The following ADK variants were observed in gnomAD, a reference collection of about 807,000 sequenced individuals.
The protein encoded by ADK is N6,N6-dimethyladenosine kinase.
ADK carries 24 observed loss-of-function variants against 44.7 expected under a neutral mutation model. The ratio of observed to expected loss-of-function variants is 0.54; its 90% CI spans 0.39 to 0.76. The LOEUF (loss-of-function observed/expected upper bound fraction) is 0.76. Ranked by LOEUF, ADK falls within the 30% of genes least tolerant of loss-of-function variation. The pLI is 0.00. For missense variants in ADK, 321 were observed against 425.1 expected, an observed-to-expected ratio of 0.76 and a Z score of 2.15; for synonymous variants, 128 against 142.6, an observed-to-expected ratio of 0.90 and a Z score of 0.73.
intron 4 of ADK, among the ~76,000 whole-genome samples, chr10:74,385,874 A>G (rs186089172): frequency 6.6e-6 from 1 of 152,346 alleles, no homozygotes; most frequent in East Asian, 1.9e-4. Context: ...GTTAACAGAT[A>G]TTTACTAACA....
intron 10 of ADK, among the ~76,000 whole-genome samples, chr10:74,687,871 C>A (rs1855849778): frequency 6.6e-6 from 1 of 152,162 alleles, no homozygotes; most frequent in African/African-American, 2.4e-5. Flanking sequence ...GATGTCTATG[C>A]CTTCACTCTT....
intron 6 of ADK, among the ~76,000 whole-genome samples, chr10:74,418,630 G>T (rs1844453464): frequency 6.6e-6 from 1 of 152,160 alleles, no homozygotes; most frequent in South Asian, 2.1e-4. Flanking sequence ...TAAATTGGCT[G>T]TTTTTATGAT....
At chr10:74,282,785 G>A (rs1205859215) in intron 3 of ADK, among the ~76,000 whole-genome samples, 1 of 152,054 alleles carries the variant, frequency 6.6e-6, no homozygotes, top group Non-Finnish European at 1.5e-5. Context: ...ATATCTTCTA[G>A]TATAAGATTA....
At chr10:74,685,415 T>A (rs1032741187) in intron 10 of ADK, among the ~76,000 whole-genome samples, 3 of 152,210 alleles carry the variant, frequency 2.0e-5, no homozygotes, top group Admixed American at 2.0e-4. Context: ...CAAAAGATGT[T>A]GGGTTTTCTT....
intron 9 of ADK, among the ~76,000 whole-genome samples, chr10:74,648,579 G>A (rs942859100): frequency 1.3e-5 from 2 of 152,002 alleles, no homozygotes; most frequent in African/African-American, 4.8e-5. Context: ...TCGGGAGGCT[G>A]AGGCAGGAGA....
chr10:74,291,998 C>T (rs1847458097), intron 3 of ADK, among the ~76,000 whole-genome samples: 1 of 152,076 alleles, frequency 6.6e-6, no homozygotes, highest in Non-Finnish European at 1.5e-5. Context: ...GTAAATTTGT[C>T]AGGTCTCCCT....
intron 6 of ADK, among the ~76,000 whole-genome samples, chr10:74,503,825 A>G (rs368362598): frequency 2.0e-5 from 3 of 152,294 alleles, no homozygotes; most frequent in East Asian, 3.9e-4. Flanking sequence ...TTGTTCACTC[A>G]TCCCAGGCAC....
At chr10:74,550,338 T>C (rs1849988857) in intron 7 of ADK, among the ~76,000 whole-genome samples, 1 of 152,102 alleles carries the variant, frequency 6.6e-6, no homozygotes, top group Non-Finnish European at 1.5e-5. Flanking sequence ...CCCAAAGTAC[T>C]GGGATTACAG....
At chr10:74,232,970 G>T (rs1396280466) in intron 3 of ADK, among the ~76,000 whole-genome samples, 1 of 152,192 alleles carries the variant, frequency 6.6e-6, no homozygotes, top group African/African-American at 2.4e-5. Context: ...ATTCATGAAC[G>T]ATAGGTGAAT....
chr10:74,496,156 G>C (rs1447942254), intron 6 of ADK, among the ~76,000 whole-genome samples: 1 of 152,146 alleles, frequency 6.6e-6, no homozygotes, highest in Non-Finnish European at 1.5e-5. Flanking sequence ...ACCTAGGCTG[G>C]AGTGCAGTAA....
chr10:74,612,561 AT>A (rs1852596350), intron 9 of ADK, among the ~76,000 whole-genome samples: 1 of 152,030 alleles, frequency 6.6e-6, no homozygotes, highest in Non-Finnish European at 1.5e-5. Context: ...GTTAGCAAAT[AT>A]TTTCTCCTAA....
At chr10:74,235,101 C>T (rs1453819517) in intron 3 of ADK, among the ~76,000 whole-genome samples, 5 of 147,478 alleles carry the variant, frequency 3.4e-5, no homozygotes, top group Non-Finnish European at 5.9e-5. Flanking sequence ...TAAATTTTGA[C>T]GTTTAGCTGG....
At chr10:74,499,611 C>A (rs1297466174) in intron 6 of ADK, among the ~76,000 whole-genome samples, 1 of 152,032 alleles carries the variant, frequency 6.6e-6, no homozygotes, top group Non-Finnish European at 1.5e-5. Context: ...TGGCGTGAAC[C>A]CGGGAGGCGG....
intron 7 of ADK, among the ~76,000 whole-genome samples, chr10:74,545,642 T>A (rs367668489): frequency 2.0e-4 from 31 of 152,332 alleles, no homozygotes; most frequent in African/African-American, 7.5e-4. Context: ...TTCAGAAATA[T>A]GACTTCTCAT....
chr10:74,162,203 T>C (rs957622569), intron 1 of ADK, among the ~76,000 whole-genome samples: 1 of 151,984 alleles, frequency 6.6e-6, no homozygotes, highest in Non-Finnish European at 1.5e-5. Context: ...GTATTTTTAG[T>C]AGAGACAGGG....
chr10:74,426,782 AT>A (rs147300184), intron 6 of ADK, among the ~76,000 whole-genome samples: 3,828 of 151,338 alleles, frequency 0.025, 165 homozygotes, highest in African/African-American at 0.087. Flanking sequence ...AACTTAATTC[AT>A]TTTTTTTTCT....
intron 3 of ADK, among the ~76,000 whole-genome samples, chr10:74,264,235 G>T (rs1235967258): frequency 2.6e-5 from 4 of 152,248 alleles, no homozygotes; most frequent in African/African-American, 9.6e-5. Flanking sequence ...TTGCACTTCA[G>T]TAGATGTTGC....
intron 4 of ADK, among the ~76,000 whole-genome samples, chr10:74,372,938 A>C (rs1842710161): frequency 6.6e-6 from 1 of 152,166 alleles, no homozygotes; most frequent in Non-Finnish European, 1.5e-5. Context: ...CAATTAAAAA[A>C]CGTATGATGA....
chr10:74,398,981 A>T (rs984004886), intron 6 of ADK, among the ~76,000 whole-genome samples: 3 of 152,088 alleles, frequency 2.0e-5, no homozygotes, highest in African/African-American at 4.8e-5. Context: ...TGAATTGCTT[A>T]AAAAACTTAA....
Sources: allele counts gnomAD v4.1 joint callset (sites outside exome capture counted in the v4.1 genomes callset), GRCh38; gene constraint gnomAD v4.1.1; transcripts MANE v1.5; gene names NCBI Gene and HGNC (gene_info 2026-07-23, HGNC 2026-07-21).